ARSF: variants seen among roughly 807,000 people sequenced by gnomAD.
ARSF encodes the protein arylsulfatase F.
Under a neutral mutation model 35.4 loss-of-function variants are expected in ARSF, and 33 were observed. The ratio of observed to expected loss-of-function variants is 0.93; its 90% CI spans 0.71 to 1.25. ARSF has a LOEUF of 1.25. Ranked by LOEUF, ARSF falls within the 50% of genes most tolerant of loss-of-function variation. The probability of loss-of-function intolerance (pLI) is 0.00; values close to 1 mark genes in which losing one functional copy is unlikely to be tolerated. For synonymous variants in ARSF, 222 were observed against 193.1 expected (o/e 1.15, Z -1.24); for missense variants, 501 against 480.2 (o/e 1.04, Z -0.40).
At chrX:3,055,113 C>T (rs1159802261) in intron 1 of ARSF, among the ~76,000 whole-genome samples, 3 of 106,592 alleles carry the variant, frequency 2.8e-5, no homozygotes, top group African/African-American at 1.0e-4. Flanking sequence ...GAGGCCAAGA[C>T]GGGCAGATCA....
intron 7 of ARSF, among the ~76,000 whole-genome samples, chrX:3,098,022 T>A (rs775564127): frequency 3.4e-5 from 3 of 88,774 alleles, no homozygotes; most frequent in Admixed American, 1.4e-4. Context: ...CAAAATAAAA[T>A]ATATATATAT....
chrX:3,102,773 A>G (rs1345879276), intron 8 of ARSF, among the ~76,000 whole-genome samples: 4 of 110,877 alleles, frequency 3.6e-5, no homozygotes, highest in East Asian at 2.9e-4. Context: ...TTAGCTGGGC[A>G]TAGTGGCGGA....
chrX:3,101,560 G>A (rs771810352), intron 8 of ARSF, among the ~76,000 whole-genome samples: 20 of 111,591 alleles, frequency 1.8e-4, no homozygotes, highest in African/African-American at 6.5e-4. Flanking sequence ...ATTATTGAGA[G>A]ATTAAATGAG....
Position 3,083,671 on chromosome X carries a change from A to G in ARSF, c.407-572A>G, listed in dbSNP as rs149344858. ...GCTATATCTACATATGCATCTGTTC[A>G]TCTGTCTATCTACCTATCTTTCTGT... On this transcript the variant is annotated intron_variant, in intron 5 of 10. Coordinates refer to ENST00000381127, the MANE Select transcript of ARSF (RefSeq NM_001201539.2). Among the ~76,000 whole-genome samples the G allele has an allele frequency of 6.6e-3, 738 of 111,336 alleles. 3 individuals are homozygous for G. Among genetic ancestry groups the G allele is most frequent in the African/African-American group, 0.023 (706 of 30,648 alleles).
At position 3,112,719 on chromosome X, in the gene ARSF, G is replaced by A; in HGVS notation, c.*163G>A. The A allele has an allele frequency of 1.3e-6, 1 of 779,690 alleles. No individual in the cohort carries two copies. Among genetic ancestry groups the A allele is most frequent in the Non-Finnish European group, 1.7e-6 (1 of 591,975 alleles). The allele number at this position is 779,690 out of a possible 1,213,427, so 64.3% of individuals were successfully genotyped here. ...ATTCCAGATTATTAAAGGCCCACTG[G>A]TTGTTCCACTTGCTGCTTTTTTTTG... On this transcript the variant is annotated 3_prime_UTR_variant, in exon 11 of 11. Coordinates refer to ENST00000381127, the MANE Select transcript of ARSF (RefSeq NM_001201539.2).
At chrX:3,101,264 C>CT (rs776140807) in intron 8 of ARSF, 43 bp downstream of exon 8, 5 of 1,175,561 alleles carry the variant, frequency 4.3e-6, no homozygotes, top group African/African-American at 1.8e-5. Context: ...GGTGAATAAG[C>CT]TTTTTTGTGG....
chrX:3,112,304 C>T lies in ARSF; in HGVS notation c.1521C>T (p.Phe507=), dbSNP rs201561970. 6.4e-5 allele frequency: 77 copies of T among 1,208,596 alleles called. No homozygotes were observed. The highest frequency in any genetic ancestry group is 8.0e-5 in the Non-Finnish European group (72 of 894,826). The change falls in exon 11 of 11, where the codon TTC becomes TTT. Residue 507 remains phenylalanine, a synonymous_variant. Coordinates refer to ENST00000381127, the MANE Select transcript of ARSF (RefSeq NM_001201539.2). The part of the protein sequence containing the change: ...QVTYHNPPLL[F]DLSRDPSEST... ...CCTACCACAACCCCCCTCTGCTCTT[C>T]GATCTCTCCAGGGACCCCTCAGAGT...
intron 7 of ARSF, among the ~76,000 whole-genome samples, chrX:3,098,703 C>T (rs1487153195): frequency 1.8e-5 from 2 of 111,210 alleles, no homozygotes; most frequent in Admixed American, 9.6e-5. Context: ...TAAGTTACCC[C>T]GTCTCAGGTA....
intron 2 of ARSF, among the ~76,000 whole-genome samples, chrX:3,070,487 C>T (rs189382312): frequency 9.0e-6 from 1 of 110,737 alleles, no homozygotes; most frequent in African/African-American, 3.3e-5. Flanking sequence ...GGGAGTTAAC[C>T]TCAGGAGTCT....
chrX:3,053,027 G>A (rs1343151752), intron 1 of ARSF, among the ~76,000 whole-genome samples: 2 of 111,387 alleles, frequency 1.8e-5, no homozygotes, highest in Admixed American at 9.7e-5. Context: ...AAATTAGCAA[G>A]TTCTGGCATG....
chrX:3,110,398 A>G (rs919513841), intron 10 of ARSF, 146 bp downstream of exon 10: 13 of 674,100 alleles, frequency 1.9e-5, no homozygotes, highest in Non-Finnish European at 2.6e-5. Flanking sequence ...GTTTCTCAGA[A>G]TTGCTCTTCT....
chrX:3,093,657 T>C (rs1017805000), intron 7 of ARSF, among the ~76,000 whole-genome samples: 2 of 111,988 alleles, frequency 1.8e-5, no homozygotes, highest in East Asian at 5.6e-4. Context: ...TCCATGTAGA[T>C]TGGTTCTATG....
At chrX:3,085,274 T>C (rs1240008033) in intron 6 of ARSF, among the ~76,000 whole-genome samples, 1 of 107,996 alleles carries the variant, frequency 9.3e-6, no homozygotes, top group African/African-American at 3.3e-5. Context: ...TATGTACATA[T>C]ACAATATGTA....
Position 3,072,008 on chromosome X carries a change from T to A in ARSF, c.12-18T>A. 1 of 1,210,528 alleles carries A rather than the reference T, an allele frequency of 8.3e-7. No individual in the cohort carries two copies. Among genetic ancestry groups the A allele is most frequent in the Non-Finnish European group, 1.1e-6 (1 of 894,743 alleles). On this transcript the variant is annotated intron_variant, in intron 2 of 10. Transcript: ENST00000381127. Reference sequence around the variant, plus strand: ...CCAGAGAAGCCTGATACCAATAAAATCCCTGCTTGCTTTCCAGGAGACCCT... The same window carrying A: ...CCAGAGAAGCCTGATACCAATAAAAACCCTGCTTGCTTTCCAGGAGACCCT...
At chrX:3,046,206 G>A (rs770836334) in intron 1 of ARSF, among the ~76,000 whole-genome samples, 8 of 111,519 alleles carry the variant, frequency 7.2e-5, no homozygotes, top group African/African-American at 2.6e-4. Flanking sequence ...TACTGTACAC[G>A]TGGTGACAAA....
At chrX:3,067,361 T>C (rs2147489296) in intron 1 of ARSF, among the ~76,000 whole-genome samples, 1 of 111,533 alleles carries the variant, frequency 9.0e-6, no homozygotes, top group East Asian at 2.8e-4. Flanking sequence ...TCCTAACCCC[T>C]CTGCCACTGC....
intron 5 of ARSF, among the ~76,000 whole-genome samples, chrX:3,082,546 CTATT>C (rs2090210041): frequency 9.0e-6 from 1 of 111,087 alleles, no homozygotes; most frequent in African/African-American, 3.3e-5. Context: ...CTATATCTGT[CTATT>C]TATCTAGCCA....
intron 1 of ARSF, among the ~76,000 whole-genome samples, chrX:3,054,331 G>A (rs926737305): frequency 8.1e-5 from 9 of 111,476 alleles, no homozygotes; most frequent in Non-Finnish European, 1.7e-4. Context: ...CATCACCCCC[G>A]GTTCTCAGGG....
intron 7 of ARSF, among the ~76,000 whole-genome samples, chrX:3,098,092 G>A (rs1416796567): frequency 7.6e-5 from 4 of 52,313 alleles, no homozygotes; most frequent in African/African-American, 2.9e-4. Context: ...ACACACAATG[G>A]ACACTTTTCC....
Sources: gnomAD v4.1 joint callset for allele counts (sites outside exome capture counted in the v4.1 genomes callset) on GRCh38, gnomAD v4.1.1 for gene constraint, MANE v1.5 for transcripts, NCBI Gene and HGNC (gene_info 2026-07-23, HGNC 2026-07-21) for gene names.